Variants in CWC27 observed in about 807,000 individuals in gnomAD.
The protein encoded by CWC27 is CWC27 spliceosome associated cyclophilin, also known as spliceosome-associated protein CWC27 homolog.
A neutral mutation model predicts 63.6 loss-of-function variants in CWC27; 47 were observed. The ratio of observed to expected loss-of-function variants is 0.74; its 90% confidence interval spans 0.58 to 0.94. CWC27 has a LOEUF of 0.94. Ranked by LOEUF, CWC27 falls within the 40% of genes least tolerant of loss-of-function variation. The pLI is 0.00. For missense variants in CWC27, 495 were observed against 554.3 expected, an observed-to-expected ratio of 0.89 and a Z score of 1.07; for synonymous variants, 175 against 179.8, an observed-to-expected ratio of 0.97 and a Z score of 0.22.
intron 10 of CWC27, among the ~76,000 whole-genome samples, chr5:64,817,415 T>TAAAACAACAACA (rs1201590048): frequency 6.6e-6 from 1 of 152,142 alleles, no homozygotes; most frequent in African/African-American, 2.4e-5. Context: ...TCTACTCCTC[T>TAAAACAACAACA]AAAACAACAA....
chr5:64,883,742 G>A (rs1747000897), intron 10 of CWC27, among the ~76,000 whole-genome samples: 1 of 152,166 alleles, frequency 6.6e-6, no homozygotes, highest in Non-Finnish European at 1.5e-5. Context: ...GGTTAATAAA[G>A]CAGACTGTAT....
At chr5:64,874,224 C>A (rs1746742721) in intron 10 of CWC27, among the ~76,000 whole-genome samples, 2 of 132,390 alleles carry the variant, frequency 1.5e-5, no homozygotes, top group South Asian at 5.0e-4. Context: ...TGCAGTGGCA[C>A]AATCTCAGCT....
rs760618747 is a variant in CWC27, at chr5:64,789,030, A to G, written c.669+10A>G. On this transcript the variant is annotated intron_variant, in intron 7 of 13. Transcript: ENST00000381070. ...AAATCGAGTTAGTCAGGTAATCTCT[A>G]ATTTGCCCTTTGTTCTAACTTACAA... The G allele has an allele frequency of 4.5e-5, 71 of 1,591,234 alleles. 2 individuals are homozygous for G. The Middle Eastern group carries it at 8.2e-3, about 183-fold the overall frequency.
At chr5:64,803,277 TG>T (rs770631835) in intron 9 of CWC27, among the ~76,000 whole-genome samples, 1 of 152,088 alleles carries the variant, frequency 6.6e-6, no homozygotes, top group Non-Finnish European at 1.5e-5. Context: ...ATGATCCACT[TG>T]GGGTTATTTC....
At position 64,949,795 on chromosome 5, in the gene CWC27, CAAG is replaced by C. The variant is rs1748669769; in HGVS notation, c.1043-21907_1043-21905del. On this transcript the variant is annotated intron_variant, in intron 11 of 13. Transcript: ENST00000381070. Reference sequence around the variant, plus strand: ...ATCTAATGAATATTACCTCAATATTCAAGTAGTTGTTTAAGATCATTTCTCTAA... The same window carrying C: ...ATCTAATGAATATTACCTCAATATTCTAGTTGTTTAAGATCATTTCTCTAA... Among the ~76,000 whole-genome samples the C allele has an allele frequency of 4.6e-5, 7 of 152,070 alleles. No homozygotes were observed. The South Asian group carries it at 1.5e-3, about 32-fold the overall frequency.
intron 11 of CWC27, among the ~76,000 whole-genome samples, chr5:64,962,112 A>G (rs930067833): frequency 6.6e-6 from 1 of 152,224 alleles, no homozygotes; most frequent in Non-Finnish European, 1.5e-5. Context: ...CTTCACTAAA[A>G]TCATCTAGTC....
intron 10 of CWC27, among the ~76,000 whole-genome samples, chr5:64,836,591 A>C (rs1286288009): frequency 1.3e-5 from 2 of 152,000 alleles, no homozygotes. Context: ...TACTTTTAGT[A>C]TGTGGTTAGG....
chr5:64,783,989 C>T lies in CWC27; in HGVS notation c.396+10C>T, dbSNP rs752194798. The T allele has an allele frequency of 4.4e-5, 68 of 1,552,582 alleles. 1 individual carries two copies. Among genetic ancestry groups the T allele is most frequent in the South Asian group, 3.5e-4 (28 of 80,628 alleles). ...TACCATCTTTGGAAAGGTTAGTGTCCAGTGATTTTAAACCTGTGGTTCAGT... is the reference window on the plus strand; with the variant it reads ...TACCATCTTTGGAAAGGTTAGTGTCTAGTGATTTTAAACCTGTGGTTCAGT... On this transcript the variant is annotated intron_variant, in intron 4 of 13. Coordinates refer to ENST00000381070, the MANE Select transcript of CWC27 (RefSeq NM_005869.4).
chr5:64,974,706 A>G (rs1472015784), intron 12 of CWC27, among the ~76,000 whole-genome samples: 1 of 152,238 alleles, frequency 6.6e-6, no homozygotes, highest in Non-Finnish European at 1.5e-5. Context: ...ATAGATAGAT[A>G]TAGATACAGA....
intron 10 of CWC27, among the ~76,000 whole-genome samples, chr5:64,834,026 A>T (rs1024118315): frequency 1.3e-5 from 2 of 151,518 alleles, no homozygotes; most frequent in African/African-American, 4.8e-5. Flanking sequence ...ACTAAACATG[A>T]GATGGAGGAA....
At chr5:64,888,170 G>A (rs1172624442) in intron 11 of CWC27, among the ~76,000 whole-genome samples, 1 of 151,590 alleles carries the variant, frequency 6.6e-6, no homozygotes, top group Non-Finnish European at 1.5e-5. Context: ...AGTGCTCAAA[G>A]GATGGGGACA....
chr5:64,797,132 C>A (rs1182295829), intron 7 of CWC27, among the ~76,000 whole-genome samples: 8 of 151,990 alleles, frequency 5.3e-5, no homozygotes, highest in Admixed American at 5.3e-4. Flanking sequence ...AAGCCCCTAA[C>A]ACTGAATTCA....
chr5:64,873,192 A>G (rs1356743458), intron 10 of CWC27, among the ~76,000 whole-genome samples: 1 of 152,222 alleles, frequency 6.6e-6, no homozygotes, highest in Non-Finnish European at 1.5e-5. Flanking sequence ...TCGTTCACTT[A>G]GAAGCATTAT....
At chr5:64,958,738 A>T (rs887790199) in intron 11 of CWC27, among the ~76,000 whole-genome samples, 9 of 152,176 alleles carry the variant, frequency 5.9e-5, no homozygotes, top group African/African-American at 1.7e-4. Flanking sequence ...ATGGAAAAAC[A>T]CAGAGGAAAA....
At chr5:64,864,067 T>C (rs1746479602) in intron 10 of CWC27, among the ~76,000 whole-genome samples, 2 of 152,214 alleles carry the variant, frequency 1.3e-5, no homozygotes, top group Admixed American at 1.3e-4. Flanking sequence ...TAGAAAAGCC[T>C]GCATAATTCT....
intron 10 of CWC27, among the ~76,000 whole-genome samples, chr5:64,874,806 T>G (rs1399534513): frequency 2.0e-5 from 3 of 151,888 alleles, no homozygotes; most frequent in Non-Finnish European, 4.4e-5. Context: ...TTTAAAAATG[T>G]ACTCTATTCA....
intron 13 of CWC27, among the ~76,000 whole-genome samples, chr5:65,007,346 A>G (rs1326871252): frequency 2.6e-5 from 4 of 152,208 alleles, no homozygotes; most frequent in African/African-American, 9.6e-5. Flanking sequence ...TAAATGTAAT[A>G]TGGTATCCTG....
chr5:64,978,497 C>A (rs778720773), intron 13 of CWC27, among the ~76,000 whole-genome samples: 1 of 152,014 alleles, frequency 6.6e-6, no homozygotes, highest in Non-Finnish European at 1.5e-5. Flanking sequence ...GTGCCAAAGG[C>A]GAAGGCTCAG....
chr5:64,970,795 A>G (rs1389039212), intron 11 of CWC27, among the ~76,000 whole-genome samples: 1 of 152,202 alleles, frequency 6.6e-6, no homozygotes, highest in Non-Finnish European at 1.5e-5. Flanking sequence ...CTTGAACAAA[A>G]TGGCTGATTG....
Sources: allele counts gnomAD v4.1 joint callset (sites outside exome capture counted in the v4.1 genomes callset), GRCh38; gene constraint gnomAD v4.1.1; transcripts MANE v1.5; gene names NCBI Gene and HGNC (gene_info 2026-07-23, HGNC 2026-07-21).